The following ZFAT variants were observed in gnomAD, a reference collection of about 807,000 sequenced individuals.
ZFAT encodes the protein zinc finger protein ZFAT.
Under a neutral mutation model 117.7 loss-of-function variants are expected in ZFAT, and 64 were observed. The ratio of observed to expected loss-of-function variants is 0.54; its 90% CI spans 0.44 to 0.67. The LOEUF (loss-of-function observed/expected upper bound fraction) is 0.67. Ranked by LOEUF, ZFAT falls within the 30% of genes least tolerant of loss-of-function variation. The pLI is 0.00. For missense variants in ZFAT, 1,433 were observed against 1,584.5 expected, an observed-to-expected ratio of 0.90 and a Z score of 1.62; for synonymous variants, 679 against 615.0, an observed-to-expected ratio of 1.10 and a Z score of -1.54.
chr8:134,601,348 C>T (rs1827438173), intron 6 of ZFAT, 129 bp downstream of exon 6: 2 of 1,373,648 alleles, frequency 1.5e-6, no homozygotes, highest in East Asian at 4.7e-5. Context: ...CCGTTCCTAT[C>T]TACAATGGAG....
the ZFAT span, chr8:134,797,069 C>A: frequency 6.6e-6 from 1 of 152,084 alleles, no homozygotes; most frequent in Non-Finnish European, 1.5e-5. Context: ...AATACCCAAC[C>A]CACAAACTGT....
intron 3 of ZFAT, among the ~76,000 whole-genome samples, chr8:134,629,261 T>C (rs1212597581): frequency 6.6e-6 from 1 of 152,094 alleles, no homozygotes; most frequent in Non-Finnish European, 1.5e-5. Context: ...TAACTTAAAC[T>C]GCCTGGGGGA....
At chr8:134,481,963 C>T (rs1199030993) in intron 15 of ZFAT, among the ~76,000 whole-genome samples, 3 of 152,154 alleles carry the variant, frequency 2.0e-5, no homozygotes, top group Admixed American at 2.0e-4. Context: ...AGTCACCAAA[C>T]CCACTGGGCA....
chr8:134,810,473 C>A, the ZFAT span, among the ~76,000 whole-genome samples: 1 of 152,280 alleles, frequency 6.6e-6, no homozygotes, highest in African/African-American at 2.4e-5. Context: ...TCACGCTCTA[C>A]TTGAGAAAAA....
chr8:134,549,290 A>G lies in ZFAT; in HGVS notation c.2976+16043T>C, dbSNP rs1822949807. ...CCCCGTTTCTACTAAAAATACAAAA[A>G]ATTAGCCAGGCGTGGGGGCAGGCAC... On this transcript the variant is annotated intron_variant, in intron 11 of 15. Transcript: ENST00000377838. 2.0e-5 allele frequency among the ~76,000 whole-genome samples: 3 copies of G among 152,072 alleles called. No individual in the cohort carries two copies. The South Asian group carries it at 6.3e-4, about 32-fold the overall frequency.
chr8:134,689,170 G>A (rs1271364132), intron 1 of ZFAT, among the ~76,000 whole-genome samples: 2 of 152,160 alleles, frequency 1.3e-5, no homozygotes, highest in African/African-American at 4.8e-5. Context: ...CCACTGCAAT[G>A]GCAACACCCA....
At chr8:134,750,860 G>A in the ZFAT span, among the ~76,000 whole-genome samples, 5 of 152,142 alleles carry the variant, frequency 3.3e-5, no homozygotes, top group South Asian at 2.1e-4. Flanking sequence ...GTTCTATCAC[G>A]TACTATAAGA....
the ZFAT span, among the ~76,000 whole-genome samples, chr8:134,822,872 G>A: frequency 1.3e-5 from 2 of 152,052 alleles, no homozygotes; most frequent in Non-Finnish European, 2.9e-5. Context: ...ATTGACTTAG[G>A]AAAATTAACT....
the ZFAT span, among the ~76,000 whole-genome samples, chr8:134,804,272 A>G: frequency 2.0e-5 from 3 of 152,208 alleles, no homozygotes; most frequent in Admixed American, 6.5e-5. Flanking sequence ...ATTAATATAA[A>G]AAGACATGCA....
At chr8:134,799,618 C>G in the ZFAT span, among the ~76,000 whole-genome samples, 1 of 152,046 alleles carries the variant, frequency 6.6e-6, no homozygotes. Flanking sequence ...TCAATTTAGT[C>G]GACTGAGGAA....
the ZFAT span, chr8:134,793,784 T>G: frequency 6.6e-6 from 1 of 152,096 alleles, no homozygotes; most frequent in Non-Finnish European, 1.5e-5. Context: ...TCTAATCAAA[T>G]CCTCATTACA....
At chr8:134,496,171 A>T (rs910588543) in intron 15 of ZFAT, among the ~76,000 whole-genome samples, 3 of 152,228 alleles carry the variant, frequency 2.0e-5, no homozygotes, top group Non-Finnish European at 4.4e-5. Flanking sequence ...TTCATTTTGC[A>T]TAATTAGGTA....
chr8:134,600,460 T>C lies in ZFAT; in HGVS notation c.2451A>G (p.Ala817=). 2 of 1,614,238 alleles carry C rather than the reference T, an allele frequency of 1.2e-6. No homozygotes were observed. The highest frequency in any genetic ancestry group is 1.1e-5 in the South Asian group (1 of 91,092). The change falls in exon 7 of 16, where the codon GCA becomes GCG. Residue 817 remains alanine, a synonymous_variant. Transcript: ENST00000377838. ...CCAGTGCTGTGTGAACTTTAAGATG[T>C]GCCTGTAGCTTATATTTATCTGGAG... ...YSTPDKYKLQ[A]HLKVHTALDK...
intron 15 of ZFAT, among the ~76,000 whole-genome samples, chr8:134,501,629 ACG>A (rs1191359775): frequency 2.6e-5 from 4 of 152,276 alleles, no homozygotes; most frequent in East Asian, 1.9e-4. Flanking sequence ...TGTACCACAC[ACG>A]CACAGGCAAG....
rs780452667 is a variant in ZFAT at position 134,601,935 on chromosome 8, T to C, written c.1784A>G (p.Asp595Gly). The C allele has an allele frequency of 6.2e-7, 1 of 1,614,120 alleles. No individual in the cohort carries two copies. Among genetic ancestry groups the C allele is most frequent in the Non-Finnish European group, 8.5e-7 (1 of 1,180,004 alleles). The change falls in exon 6 of 16, where the codon GAT becomes GGT. Residue 595 changes from aspartate (D) to glycine (G), a missense_variant. By Grantham distance (94) the Asp-to-Gly change is moderately conservative. Coordinates refer to ENST00000377838, the MANE Select transcript of ZFAT (RefSeq NM_020863.4). ...GGTATCATTTTTCAACAAAAAATCA[T>C]CTGAAACCACCTCTTGAGAATGCAG... The part of the protein sequence containing the change: ...SDLHSQEVVS[D>G]DFLLKNDTSS...
At chr8:134,801,705 ATTAATATACTT>A in the ZFAT span, among the ~76,000 whole-genome samples, 1 of 152,160 alleles carries the variant, frequency 6.6e-6, no homozygotes, top group Non-Finnish European at 1.5e-5. Context: ...CAGCTAGACA[ATTAATATACTT>A]TTTCTCTGGG....
chr8:134,528,558 T>C (rs1648240117), intron 12 of ZFAT, among the ~76,000 whole-genome samples: 1 of 152,228 alleles, frequency 6.6e-6, no homozygotes, highest in African/African-American at 2.4e-5. Context: ...CATATTTACA[T>C]TTTTCTAATA....
At chr8:134,562,324 G>A (rs917140125) in intron 11 of ZFAT, among the ~76,000 whole-genome samples, 16 of 152,186 alleles carry the variant, frequency 1.1e-4, no homozygotes, top group African/African-American at 3.6e-4. Flanking sequence ...CTACAGAAAT[G>A]TAAGATAATC....
the ZFAT span, among the ~76,000 whole-genome samples, chr8:134,791,862 T>G: frequency 6.6e-6 from 1 of 152,194 alleles, no homozygotes; most frequent in Admixed American, 6.5e-5. Flanking sequence ...TGAAAAAGCT[T>G]TGTCTTTGTG....
Sources: gnomAD v4.1 joint callset for allele counts (sites outside exome capture counted in the v4.1 genomes callset) on GRCh38, gnomAD v4.1.1 for gene constraint, MANE v1.5 for transcripts, NCBI Gene and HGNC (gene_info 2026-07-23, HGNC 2026-07-21) for gene names.